SEMA6D: variants seen among roughly 807,000 people sequenced by gnomAD.
SEMA6D encodes semaphorin-6D.
SEMA6D carries 35 observed loss-of-function variants against 106.6 expected under a neutral mutation model. The ratio of observed to expected loss-of-function variants is 0.33; its 90% CI spans 0.25 to 0.44. The LOEUF (loss-of-function observed/expected upper bound fraction) is 0.44, where lower values mean the gene tolerates loss of function less well. SEMA6D is among the 20% of genes least tolerant of loss of function. The probability of loss-of-function intolerance (pLI) is 1.00; values close to 1 mark genes in which losing one functional copy is unlikely to be tolerated. For missense variants in SEMA6D, 1,185 were observed against 1,345.9 expected (o/e 0.88, Z 1.87); for synonymous variants, 499 against 487.7 (o/e 1.02, Z -0.31).
chr15:47,420,669 C>T (rs2041123653), intron 2 of SEMA6D, among the ~76,000 whole-genome samples: 1 of 152,074 alleles, frequency 6.6e-6, no homozygotes, highest in Non-Finnish European at 1.5e-5. Context: ...AACTTTTCCT[C>T]TTTTTATCTA....
At chr15:47,546,498 G>GT (rs1272527094) in intron 3 of SEMA6D, among the ~76,000 whole-genome samples, 1 of 152,078 alleles carries the variant, frequency 6.6e-6, no homozygotes, top group Non-Finnish European at 1.5e-5. Context: ...TAAGTGCACT[G>GT]TATCTCCAAG....
chr15:47,196,960 T>C (rs1894404437), intron 1 of SEMA6D, among the ~76,000 whole-genome samples: 1 of 152,186 alleles, frequency 6.6e-6, no homozygotes, highest in Non-Finnish European at 1.5e-5. Flanking sequence ...AGATTCTTAA[T>C]GGTTTCTTGA....
chr15:47,498,274 T>C (rs1457014182), intron 3 of SEMA6D, among the ~76,000 whole-genome samples: 2 of 152,140 alleles, frequency 1.3e-5, no homozygotes, highest in Admixed American at 1.3e-4. Flanking sequence ...ATGGGGACAG[T>C]AGAACTTATA....
At chr15:47,282,185 G>A (rs1464116920) in intron 1 of SEMA6D, among the ~76,000 whole-genome samples, 1 of 152,082 alleles carries the variant, frequency 6.6e-6, no homozygotes, top group East Asian at 1.9e-4. Context: ...AAAAATTATT[G>A]TTAGGATCAT....
At chr15:47,698,718 G>A (rs1036654169) in intron 4 of SEMA6D, among the ~76,000 whole-genome samples, 2 of 152,124 alleles carry the variant, frequency 1.3e-5, no homozygotes, top group Non-Finnish European at 2.9e-5. Context: ...CCCAGGGCAG[G>A]CATAACTAAT....
At chr15:47,741,544 T>G (rs75693842) in intron 1 of SEMA6D, among the ~76,000 whole-genome samples, 1 of 152,020 alleles carries the variant, frequency 6.6e-6, no homozygotes, top group Admixed American at 6.6e-5. Context: ...TGGAGAAACC[T>G]CGTCTCTACT....
At position 47,409,191 on chromosome 15, in the gene SEMA6D, G is replaced by A. The variant is rs547551904; in HGVS notation, c.-238-3202G>A. On this transcript the variant is annotated intron_variant, in intron 1 of 19. Transcript: ENST00000558014. ...TGTAGACAGCTTTTTCTTGCCTATC[G>A]TACAGCTGTGAGTGTGGGAGCACAA... 3.9e-5 allele frequency among the ~76,000 whole-genome samples: 6 copies of A among 152,232 alleles called. 1 individual carries two copies. The South Asian group carries it at 1.2e-3, about 32-fold the overall frequency.
At chr15:47,531,961 A>G (rs1388639870) in intron 3 of SEMA6D, among the ~76,000 whole-genome samples, 4 of 152,122 alleles carry the variant, frequency 2.6e-5, no homozygotes, top group African/African-American at 4.8e-5. Flanking sequence ...CAAAACCACA[A>G]TTACTTTTGC....
At chr15:47,218,749 G>A (rs1202746502) in intron 1 of SEMA6D, among the ~76,000 whole-genome samples, 1 of 152,160 alleles carries the variant, frequency 6.6e-6, no homozygotes. Context: ...GCCAGACACT[G>A]TGTCAATTGT....
At chr15:47,519,394 A>G (rs1019011208) in intron 3 of SEMA6D, among the ~76,000 whole-genome samples, 2 of 152,208 alleles carry the variant, frequency 1.3e-5, no homozygotes, top group African/African-American at 4.8e-5. Context: ...ACTGACATAT[A>G]TGCAGTCCAT....
At chr15:47,620,578 C>T (rs1456770299) in intron 4 of SEMA6D, among the ~76,000 whole-genome samples, 4 of 151,964 alleles carry the variant, frequency 2.6e-5, no homozygotes, top group East Asian at 3.9e-4. Context: ...GCTGACACTC[C>T]GTATATTCAT....
chr15:47,367,708 ACACACACACACACACAC>A (rs2039106050), intron 1 of SEMA6D, among the ~76,000 whole-genome samples: 1 of 145,706 alleles, frequency 6.9e-6, no homozygotes, highest in Admixed American at 6.7e-5. Context: ...ACACACACAC[ACACACACACACACACAC>A]ACAGAGAGAG....
intron 3 of SEMA6D, among the ~76,000 whole-genome samples, chr15:47,479,851 A>G (rs1166499272): frequency 1.5e-5 from 2 of 137,068 alleles, no homozygotes; most frequent in African/African-American, 5.6e-5. Flanking sequence ...TAAATTCACT[A>G]TTTTCTTATC....
intron 1 of SEMA6D, among the ~76,000 whole-genome samples, chr15:47,278,504 T>C (rs935576594): frequency 1.3e-5 from 2 of 152,230 alleles, no homozygotes; most frequent in Non-Finnish European, 2.9e-5. Context: ...TTGTGGATTC[T>C]GGATATTAGC....
intron 1 of SEMA6D, among the ~76,000 whole-genome samples, chr15:47,727,988 A>G (rs1464639497): frequency 3.9e-5 from 6 of 152,234 alleles, no homozygotes; most frequent in African/African-American, 1.4e-4. Context: ...GGCTGAGATC[A>G]TATGGGAAAT....
intron 4 of SEMA6D, chr15:47,606,208 AC>A (rs1334579971): frequency 6.6e-6 from 1 of 152,140 alleles, no homozygotes; most frequent in African/African-American, 2.4e-5. Context: ...GGAATCTATA[AC>A]CCTAAATGGC....
intron 1 of SEMA6D, among the ~76,000 whole-genome samples, chr15:47,313,456 T>A (rs1464052620): frequency 1.3e-5 from 2 of 152,238 alleles, no homozygotes; most frequent in Non-Finnish European, 2.9e-5. Flanking sequence ...GATAGCTATT[T>A]TTTAGTGCTG....
At chr15:47,494,853 A>ACATGATTG (rs954480399) in intron 3 of SEMA6D, among the ~76,000 whole-genome samples, 1 of 145,476 alleles carries the variant, frequency 6.9e-6, no homozygotes, top group Non-Finnish European at 1.5e-5. Context: ...ATCATTCTGC[A>ACATGATTG]CATGATTGCA....
intron 1 of SEMA6D, among the ~76,000 whole-genome samples, chr15:47,254,331 G>GTATATATATATATATATATA (rs3050479): frequency 1.1e-4 from 15 of 139,254 alleles, no homozygotes; most frequent in African/African-American, 3.9e-4. Flanking sequence ...GTGTGTGTGT[G>GTATATATATATATATATATA]TATATATATA....
Sources: gnomAD v4.1 joint callset for allele counts (sites outside exome capture counted in the v4.1 genomes callset) on GRCh38, gnomAD v4.1.1 for gene constraint, MANE v1.5 for transcripts, NCBI Gene and HGNC (gene_info 2026-07-23, HGNC 2026-07-21) for gene names.